ERP44: variants seen among roughly 807,000 people sequenced by gnomAD.
ERP44 encodes endoplasmic reticulum protein 44.
In ERP44, 25 loss-of-function variants were observed where a neutral mutation model predicts 53.4. The ratio of observed to expected loss-of-function variants is 0.47; its 90% CI spans 0.34 to 0.65. ERP44 has a LOEUF of 0.65. Ranked by LOEUF, ERP44 falls within the 30% of genes least tolerant of loss-of-function variation. The probability of loss-of-function intolerance (pLI) is 0.01; values close to 1 mark genes in which losing one functional copy is unlikely to be tolerated. For missense variants in ERP44, 338 were observed against 493.2 expected, an observed-to-expected ratio of 0.69 and a Z score of 2.98; for synonymous variants, 145 against 161.2, an observed-to-expected ratio of 0.90 and a Z score of 0.76.
chr9:100,021,622 G>A (rs1470794741), intron 5 of ERP44, among the ~76,000 whole-genome samples: 3 of 151,988 alleles, frequency 2.0e-5, no homozygotes, highest in African/African-American at 4.8e-5. Flanking sequence ...CAAAGAAAGG[G>A]GTGTGCTAAA....
intron 1 of ERP44, among the ~76,000 whole-genome samples, chr9:100,073,469 C>G (rs1250040679): frequency 6.6e-6 from 1 of 152,164 alleles, no homozygotes; most frequent in Non-Finnish European, 1.5e-5. Context: ...CTTAGGCATG[C>G]ATTTCTCTAC....
At chr9:100,048,038 A>G (rs1215718017) in intron 4 of ERP44, among the ~76,000 whole-genome samples, 1 of 152,168 alleles carries the variant, frequency 6.6e-6, no homozygotes, top group African/African-American at 2.4e-5. Context: ...ATGAGATACC[A>G]TCTCACACCC....
intron 1 of ERP44, among the ~76,000 whole-genome samples, chr9:100,066,898 T>G (rs903182776): frequency 3.3e-5 from 5 of 152,136 alleles, no homozygotes; most frequent in African/African-American, 1.2e-4. Context: ...TCTCACACTA[T>G]TCACATTCCC....
chr9:100,060,282 AC>A, intron 1 of ERP44, 110 bp from the exon 2 acceptor site: 21 of 1,131,394 alleles, frequency 1.9e-5, no homozygotes, highest in Non-Finnish European at 2.3e-5. Context: ...AGAAAATTAT[AC>A]ATCAATTGAA....
intron 4 of ERP44, among the ~76,000 whole-genome samples, chr9:100,034,889 G>T (rs1002956110): frequency 1.3e-5 from 2 of 151,962 alleles, no homozygotes; most frequent in East Asian, 1.9e-4. Flanking sequence ...ATAGAATAAA[G>T]GAACAGAATA....
Position 99,980,188 on chromosome 9 carries a change from C to T in ERP44, c.*2424G>A. Reference sequence around the variant, plus strand: ...ATGCCCTCTTTAACCTTTATTTTGTCTTTACATCTATAACACGTTACAGTC... The same window carrying T: ...ATGCCCTCTTTAACCTTTATTTTGTTTTTACATCTATAACACGTTACAGTC... On this transcript the variant is annotated 3_prime_UTR_variant, in exon 12 of 12. Transcript: ENST00000262455. The T allele has an allele frequency of 2.5e-6, 1 of 397,112 alleles. No homozygotes were observed. Among genetic ancestry groups the T allele is most frequent in the Non-Finnish European group, 4.4e-6 (1 of 225,472 alleles). The allele number at this position is 397,112 out of a possible 1,614,324, so 24.6% of individuals were successfully genotyped here.
At chr9:100,054,342 G>A (rs193128599) in intron 3 of ERP44, among the ~76,000 whole-genome samples, 132 of 152,286 alleles carry the variant, frequency 8.7e-4, no homozygotes, top group African/African-American at 3.0e-3. Flanking sequence ...GAGGCAAGGA[G>A]TAGGGGCTGA....
intron 4 of ERP44, among the ~76,000 whole-genome samples, chr9:100,027,616 A>C (rs796239502): frequency 2.0e-5 from 3 of 152,338 alleles, no homozygotes; most frequent in Admixed American, 6.5e-5. Context: ...CAGAAGGTTA[A>C]CAGCTCACTG....
chr9:100,028,982 TA>T (rs1587967950), intron 4 of ERP44, among the ~76,000 whole-genome samples: 2 of 152,062 alleles, frequency 1.3e-5, no homozygotes, highest in African/African-American at 4.8e-5. Context: ...ACAATAGGTA[TA>T]AAAAAATTCT....
intron 10 of ERP44, chr9:99,998,637 T>C: frequency 1.3e-6 from 1 of 767,038 alleles, no homozygotes; most frequent in Non-Finnish European, 2.4e-6. Context: ...TCTTGAGATC[T>C]CTCCACATCC....
chr9:100,027,710 A>C (rs1019761397), intron 4 of ERP44, among the ~76,000 whole-genome samples: 4 of 152,200 alleles, frequency 2.6e-5, no homozygotes, highest in Non-Finnish European at 4.4e-5. Flanking sequence ...ACTAATACCC[A>C]GCAGGGTTCC....
At chr9:100,045,360 G>T (rs569065711) in intron 4 of ERP44, among the ~76,000 whole-genome samples, 2 of 152,064 alleles carry the variant, frequency 1.3e-5, no homozygotes, top group Admixed American at 1.3e-4. Flanking sequence ...CACAATTTGC[G>T]ATTGTGTATT....
intron 10 of ERP44, among the ~76,000 whole-genome samples, chr9:100,002,216 T>C (rs1830385251): frequency 6.6e-6 from 1 of 152,202 alleles, no homozygotes; most frequent in African/African-American, 2.4e-5. Context: ...ATATTGTGTA[T>C]CCCTAAAATT....
intron 4 of ERP44, among the ~76,000 whole-genome samples, chr9:100,049,362 C>T (rs1826012120): frequency 6.6e-6 from 1 of 152,092 alleles, no homozygotes; most frequent in Non-Finnish European, 1.5e-5. Flanking sequence ...TGTGCCACTG[C>T]ACTACAGCCT....
chr9:100,098,914 G>T lies in ERP44; in HGVS notation c.-74C>A. 7.9e-7 allele frequency: 1 copy of T among 1,270,692 alleles called. No homozygotes were observed. The highest frequency in any genetic ancestry group is 1.1e-6 in the Non-Finnish European group (1 of 883,294). The allele number at this position is 1,270,692 out of a possible 1,614,324, so 78.7% of individuals were successfully genotyped here. ...GGCTAGGTTGGGTTGGGTTAGGAAA[G>T]GGCTGGGCTCCGGGAGCCGACGGCA... On this transcript the variant is annotated 5_prime_UTR_variant, in exon 1 of 12. Transcript: ENST00000262455.
intron 10 of ERP44, among the ~76,000 whole-genome samples, chr9:99,989,606 T>G (rs1309157518): frequency 6.6e-6 from 1 of 152,118 alleles, no homozygotes; most frequent in Non-Finnish European, 1.5e-5. Flanking sequence ...GCAGAAAAGC[T>G]GAAAATTCTG....
chr9:100,011,402 TAAAAA>T (rs529560241), intron 8 of ERP44, among the ~76,000 whole-genome samples: 136 of 152,288 alleles, frequency 8.9e-4, no homozygotes, highest in African/African-American at 3.1e-3. Context: ...TATCCAGTAT[TAAAAA>T]GAAAAGAAGA....
intron 1 of ERP44, 51 bp downstream of exon 1, chr9:100,098,733 G>T (rs1261951814): frequency 6.7e-7 from 1 of 1,494,252 alleles, no homozygotes; most frequent in African/African-American, 1.4e-5. Context: ...CTGGGCGAGG[G>T]CCGGAGGCCG....
rs1416851957 is a variant in ERP44, at chr9:99,981,769, T to C, written c.*843A>G. 6.6e-6 allele frequency: 1 copy of C among 152,218 alleles called. No individual in the cohort carries two copies. The highest frequency in any genetic ancestry group is 1.9e-4 in the East Asian group (1 of 5,202). 9.4% of individuals were successfully genotyped at this position (152,218 alleles called of 1,614,324 possible). On this transcript the variant is annotated 3_prime_UTR_variant, in exon 12 of 12. Transcript: ENST00000262455. ...CTACAAGACAGAAGGAGCTTAAAAT[T>C]ACTGAAATACAATTTCTCTGCTAGT...
Sources: allele counts gnomAD v4.1 joint callset (sites outside exome capture counted in the v4.1 genomes callset), GRCh38; gene constraint gnomAD v4.1.1; transcripts MANE v1.5; gene names NCBI Gene and HGNC (gene_info 2026-07-23, HGNC 2026-07-21).